Variants in RBMS3 observed in about 807,000 individuals in gnomAD.
RBMS3 encodes RNA-binding motif, single-stranded-interacting protein 3.
A neutral mutation model predicts 66.8 loss-of-function variants in RBMS3; 27 were observed. The ratio of observed to expected loss-of-function variants is 0.40; its 90% CI spans 0.30 to 0.56. The LOEUF (loss-of-function observed/expected upper bound fraction) is 0.56. Among genes scored for constraint, RBMS3 ranks in the 20% least tolerant of loss-of-function variants. The pLI, the probability that RBMS3 is intolerant of heterozygous loss-of-function variation, is 0.40. For synonymous variants in RBMS3, 188 were observed against 183.0 expected (o/e 1.03, Z -0.22); for missense variants, 513 against 549.5 (o/e 0.93, Z 0.66).
intron 7 of RBMS3, among the ~76,000 whole-genome samples, chr3:29,875,367 A>T (rs1398810119): frequency 1.3e-5 from 2 of 151,892 alleles, no homozygotes; most frequent in Middle Eastern, 3.2e-3. Context: ...TCAAAGTTGT[A>T]TATTTTTCAT....
At chr3:29,756,225 A>T (rs1323169423) in intron 5 of RBMS3, among the ~76,000 whole-genome samples, 1 of 152,116 alleles carries the variant, frequency 6.6e-6, no homozygotes, top group Non-Finnish European at 1.5e-5. Context: ...ATGTCCTACA[A>T]TTTAACTCAG....
At chr3:29,518,040 A>G (rs1008798019) in intron 3 of RBMS3, among the ~76,000 whole-genome samples, 1 of 152,226 alleles carries the variant, frequency 6.6e-6, no homozygotes, top group African/African-American at 2.4e-5. Flanking sequence ...CATAAGTAAG[A>G]GTAACTCACA....
In RBMS3 at chr3:29,538,075, C is replaced by T. The variant is rs554248130; in HGVS notation, c.308-49039C>T. 1.1e-3 allele frequency among the ~76,000 whole-genome samples: 174 copies of T among 152,174 alleles called. 1 individual carries two copies. Among genetic ancestry groups the T allele is most frequent in the African/African-American group, 3.9e-3 (161 of 41,520 alleles). The stretch of plus-strand genomic sequence containing the variant: ...ATATTAACCCACTGCTTATGAATGG[C>T]CCTAGGGTAACATGTCATTCACATT... On this transcript the variant is annotated intron_variant, in intron 3 of 14. Transcript: ENST00000383767.
chr3:29,593,301 C>A (rs1220766274), intron 4 of RBMS3, among the ~76,000 whole-genome samples: 1 of 152,194 alleles, frequency 6.6e-6, no homozygotes. Context: ...GTCAGCCACA[C>A]TCCTGTAGTA....
intron 4 of RBMS3, among the ~76,000 whole-genome samples, chr3:29,652,729 T>G (rs1287715937): frequency 1.3e-5 from 2 of 152,194 alleles, no homozygotes; most frequent in Admixed American, 1.3e-4. Flanking sequence ...TTTGTTTTTG[T>G]GACTAAAGCT....
At chr3:29,553,242 C>T (rs572112040) in intron 3 of RBMS3, among the ~76,000 whole-genome samples, 80 of 152,196 alleles carry the variant, frequency 5.3e-4, no homozygotes, top group African/African-American at 1.8e-3. Flanking sequence ...GTTATAAATA[C>T]TGTTTTAAGG....
At chr3:29,787,920 A>G (rs985778929) in intron 6 of RBMS3, among the ~76,000 whole-genome samples, 1 of 152,148 alleles carries the variant, frequency 6.6e-6, no homozygotes, top group African/African-American at 2.4e-5. Flanking sequence ...ATTATGATGG[A>G]TTCTTCTAAT....
At chr3:29,855,411 T>C (rs975963955) in intron 6 of RBMS3, among the ~76,000 whole-genome samples, 1 of 152,210 alleles carries the variant, frequency 6.6e-6, no homozygotes, top group African/African-American at 2.4e-5. Context: ...ATGTTTTATA[T>C]CTAATCATTA....
intron 2 of RBMS3, among the ~76,000 whole-genome samples, chr3:29,472,558 A>G (rs2042772079): frequency 6.6e-6 from 1 of 151,258 alleles, no homozygotes; most frequent in Non-Finnish European, 1.5e-5. Context: ...GGCGGCGCGT[A>G]CCTTCTGATG....
intron 10 of RBMS3, among the ~76,000 whole-genome samples, chr3:29,916,720 C>T (rs2060646565): frequency 6.6e-6 from 1 of 151,714 alleles, no homozygotes; most frequent in African/African-American, 2.4e-5. Context: ...GAATACGAAA[C>T]ATGTGGATTG....
intron 6 of RBMS3, among the ~76,000 whole-genome samples, chr3:29,837,488 C>CTTACCCA (rs1272628978): frequency 6.6e-6 from 1 of 151,140 alleles, no homozygotes; most frequent in Non-Finnish European, 1.5e-5. Context: ...CTGTTTTCTC[C>CTTACCCA]TTACCCATAA....
At chr3:29,453,145 C>T (rs1158856969) in intron 2 of RBMS3, among the ~76,000 whole-genome samples, 1 of 152,142 alleles carries the variant, frequency 6.6e-6, no homozygotes, top group Non-Finnish European at 1.5e-5. Context: ...CAGCTGCTTC[C>T]AGGATGTGAA....
chr3:29,938,889 C>T (rs959983286), intron 11 of RBMS3, among the ~76,000 whole-genome samples: 3 of 151,928 alleles, frequency 2.0e-5, no homozygotes, highest in African/African-American at 7.2e-5. Flanking sequence ...AAAAATAATG[C>T]TTACATCCCA....
chr3:29,359,023 T>C (rs1313600858), intron 1 of RBMS3, among the ~76,000 whole-genome samples: 1 of 152,216 alleles, frequency 6.6e-6, no homozygotes, highest in African/African-American at 2.4e-5. Flanking sequence ...CTTTTCCTAA[T>C]TGAATGCCCT....
At chr3:29,894,986 T>A (rs1485959422) in intron 8 of RBMS3, among the ~76,000 whole-genome samples, 1 of 151,496 alleles carries the variant, frequency 6.6e-6, no homozygotes, top group African/African-American at 2.4e-5. Context: ...CCTAGTCAGC[T>A]ATGGAGAAAG....
At chr3:29,383,449 T>G (rs1252248679) in intron 1 of RBMS3, among the ~76,000 whole-genome samples, 1 of 152,180 alleles carries the variant, frequency 6.6e-6, no homozygotes, top group Non-Finnish European at 1.5e-5. Context: ...AGAAAGCTAT[T>G]TCTGTAATCT....
intron 4 of RBMS3, among the ~76,000 whole-genome samples, chr3:29,633,483 G>A (rs768318796): frequency 1.4e-4 from 22 of 151,776 alleles, no homozygotes; most frequent in South Asian, 4.1e-4. Context: ...TAATGTTAGT[G>A]CTAAATGCAA....
intron 12 of RBMS3, among the ~76,000 whole-genome samples, chr3:29,986,129 CT>C (rs1476661169): frequency 6.6e-6 from 1 of 151,986 alleles, no homozygotes; most frequent in Non-Finnish European, 1.5e-5. Flanking sequence ...AGGATTTGTC[CT>C]TTTACTAGTA....
At chr3:29,752,457 G>A (rs2055226405) in intron 5 of RBMS3, among the ~76,000 whole-genome samples, 1 of 152,036 alleles carries the variant, frequency 6.6e-6, no homozygotes, top group Admixed American at 6.6e-5. Context: ...CCCTCGCCGG[G>A]GAACCACCAT....
Sources: gnomAD v4.1 joint callset for allele counts (sites outside exome capture counted in the v4.1 genomes callset) on GRCh38, gnomAD v4.1.1 for gene constraint, MANE v1.5 for transcripts, NCBI Gene and HGNC (gene_info 2026-07-23, HGNC 2026-07-21) for gene names.